The following BRINP3 variants were observed in gnomAD, a reference collection of about 807,000 sequenced individuals.
BRINP3 encodes the protein BMP/retinoic acid inducible neural specific 3.
In BRINP3, 19 loss-of-function variants were observed where a neutral mutation model predicts 71.0. The ratio of observed to expected loss-of-function variants is 0.27; its 90% CI spans 0.19 to 0.39. BRINP3 has a LOEUF of 0.39. Ranked by LOEUF, BRINP3 falls within the 10% of genes least tolerant of loss-of-function variation. BRINP3 has a pLI of 1.00. For missense variants in BRINP3, 959 were observed against 940.8 expected, an observed-to-expected ratio of 1.02 and a Z score of -0.25; for synonymous variants, 380 against 337.7, an observed-to-expected ratio of 1.13 and a Z score of -1.37.
At chr1:190,355,450 A>C (rs1385842509) in intron 2 of BRINP3, among the ~76,000 whole-genome samples, 2 of 151,920 alleles carry the variant, frequency 1.3e-5, no homozygotes, top group Admixed American at 1.3e-4. Flanking sequence ...ATGTGGCCAA[A>C]AACCAAAAAC....
intron 2 of BRINP3, among the ~76,000 whole-genome samples, chr1:190,357,053 G>A (rs750851352): frequency 1.1e-4 from 17 of 151,892 alleles, no homozygotes; most frequent in Non-Finnish European, 2.2e-4. Context: ...TTGGCATACT[G>A]ATGTTCCCCC....
At position 190,265,137 on chromosome 1, in the gene BRINP3, C is replaced by A. The variant is rs1319493472; in HGVS notation, c.428-82G>T. ...CTTATCTGCAGGTGGAAAGGTCTAG[C>A]TTATGAATATAGTAAAACAAAGGAG... On this transcript the variant is annotated intron_variant, in intron 3 of 7. Coordinates refer to ENST00000367462, the MANE Select transcript of BRINP3 (RefSeq NM_199051.3). 4 of 1,247,648 alleles carry A rather than the reference C, an allele frequency of 3.2e-6. No individual in the cohort carries two copies. The African/African-American group carries it at 6.3e-5, about 20-fold the overall frequency. The allele number at this position is 1,247,648 out of a possible 1,614,324, so 77.3% of individuals were successfully genotyped here.
intron 1 of BRINP3, among the ~76,000 whole-genome samples, chr1:190,477,043 T>G (rs1397168055): frequency 6.6e-6 from 1 of 152,202 alleles, no homozygotes; most frequent in African/African-American, 2.4e-5. Flanking sequence ...ACTAGCGAAC[T>G]TTCCAGACCT....
chr1:190,273,127 G>A (rs1662258691), intron 3 of BRINP3, among the ~76,000 whole-genome samples: 1 of 149,942 alleles, frequency 6.7e-6, no homozygotes, highest in East Asian at 2.0e-4. Context: ...AGAATTTTAC[G>A]ACCTGAGAAA....
chr1:190,443,452 C>A (rs114676827), intron 2 of BRINP3, among the ~76,000 whole-genome samples: 2,098 of 151,872 alleles, frequency 0.014, 55 homozygotes, highest in African/African-American at 0.047. Context: ...TCAAAGAACT[C>A]TGAGAATCTT....
chr1:190,229,221 C>T (rs1022530323), intron 5 of BRINP3, among the ~76,000 whole-genome samples: 3 of 151,952 alleles, frequency 2.0e-5, no homozygotes, highest in African/African-American at 7.2e-5. Flanking sequence ...CCCCACATGT[C>T]GTGGGAGGGA....
chr1:190,254,731 C>G (rs970259960), intron 4 of BRINP3, among the ~76,000 whole-genome samples: 12 of 152,042 alleles, frequency 7.9e-5, no homozygotes, highest in Admixed American at 6.6e-5. Flanking sequence ...GGGACAATTT[C>G]ACTTCCTCTT....
At chr1:190,215,775 G>C (rs1435929415) in intron 6 of BRINP3, among the ~76,000 whole-genome samples, 4 of 151,776 alleles carry the variant, frequency 2.6e-5, no homozygotes, top group Admixed American at 6.6e-5. Flanking sequence ...TCAAATAAAT[G>C]TCTCTACATT....
At chr1:190,299,397 T>G (rs1375229118) in intron 2 of BRINP3, among the ~76,000 whole-genome samples, 1 of 151,452 alleles carries the variant, frequency 6.6e-6, no homozygotes, top group South Asian at 2.1e-4. Context: ...TTGAGTTACT[T>G]GAATAGTTTT....
At chr1:190,379,853 C>G (rs1346470685) in intron 2 of BRINP3, among the ~76,000 whole-genome samples, 1 of 151,224 alleles carries the variant, frequency 6.6e-6, no homozygotes, top group Non-Finnish European at 1.5e-5. Context: ...CAAAAAATTA[C>G]CTGGGTGTGG....
At position 190,358,100 on chromosome 1, in the gene BRINP3, G is replaced by A. The variant is rs1668862705; in HGVS notation, c.237-76350C>T. Among the ~76,000 whole-genome samples the A allele has an allele frequency of 2.0e-5, 3 of 152,238 alleles. 1 individual carries two copies. In the South Asian group the frequency reaches 6.2e-4, roughly 32 times the overall value. On this transcript the variant is annotated intron_variant, in intron 2 of 7. Coordinates refer to ENST00000367462, the MANE Select transcript of BRINP3 (RefSeq NM_199051.3). ...AATACCATTCAGGACACAGGCATGG[G>A]CAAGGACTTCATGTCTAAAACACCA...
chr1:190,436,923 C>T (rs933914701), intron 2 of BRINP3, among the ~76,000 whole-genome samples: 1 of 151,746 alleles, frequency 6.6e-6, no homozygotes, highest in Non-Finnish European at 1.5e-5. Context: ...TATTTACTCT[C>T]AACAAACATA....
chr1:190,245,726 A>G (rs1052850770), intron 4 of BRINP3, among the ~76,000 whole-genome samples: 2 of 148,512 alleles, frequency 1.3e-5, no homozygotes, highest in Admixed American at 6.7e-5. Flanking sequence ...TACATTAGGT[A>G]TATCTCCTAA....
intron 7 of BRINP3, among the ~76,000 whole-genome samples, chr1:190,102,955 A>C (rs1651825687): frequency 6.6e-6 from 1 of 152,072 alleles, no homozygotes; most frequent in Non-Finnish European, 1.5e-5. Flanking sequence ...AAATCATGTG[A>C]CATACTAGTT....
At chr1:190,120,244 C>G (rs11801040) in intron 7 of BRINP3, among the ~76,000 whole-genome samples, 7,953 of 152,142 alleles carry the variant, frequency 0.052, 696 homozygotes, top group African/African-American at 0.18. Flanking sequence ...TTCTCTGTTA[C>G]AACCTTATCT....
At chr1:190,391,796 A>C (rs1051945687) in intron 2 of BRINP3, among the ~76,000 whole-genome samples, 1 of 151,768 alleles carries the variant, frequency 6.6e-6, no homozygotes, top group Non-Finnish European at 1.5e-5. Context: ...TATTAGTGTC[A>C]GTGCTAGAGA....
intron 1 of BRINP3, among the ~76,000 whole-genome samples, chr1:190,455,892 G>C (rs1416522531): frequency 1.3e-5 from 2 of 152,108 alleles, no homozygotes; most frequent in African/African-American, 4.8e-5. Flanking sequence ...CTGATGCAAT[G>C]TCTATATGCT....
intron 2 of BRINP3, among the ~76,000 whole-genome samples, chr1:190,360,468 G>A (rs1209811811): frequency 3.9e-5 from 6 of 152,304 alleles, no homozygotes; most frequent in African/African-American, 4.8e-5. Flanking sequence ...GGTGTATCAT[G>A]AGTAAGTTCT....
intron 1 of BRINP3, among the ~76,000 whole-genome samples, chr1:190,455,852 G>A (rs1675949175): frequency 6.6e-6 from 1 of 152,066 alleles, no homozygotes; most frequent in Admixed American, 6.6e-5. Context: ...TCCCAGTATG[G>A]TACAGTGTAA....
Sources: allele counts gnomAD v4.1 joint callset (sites outside exome capture counted in the v4.1 genomes callset), GRCh38; gene constraint gnomAD v4.1.1; transcripts MANE v1.5; gene names NCBI Gene and HGNC (gene_info 2026-07-23, HGNC 2026-07-21).